The following LMBRD2 variants were observed in gnomAD, a reference collection of about 807,000 sequenced individuals.
LMBRD2 encodes the protein G protein-coupled receptor-associated protein LMBRD2.
In LMBRD2, 55 loss-of-function variants were observed where a neutral mutation model predicts 94.4. The ratio of observed to expected loss-of-function variants is 0.58; its 90% confidence interval spans 0.47 to 0.73. The LOEUF (loss-of-function observed/expected upper bound fraction) is 0.73. Among genes scored for constraint, LMBRD2 ranks in the 30% least tolerant of loss-of-function variants. LMBRD2 has a pLI of 0.00. For synonymous variants in LMBRD2, 246 were observed against 272.4 expected (o/e 0.90, Z 0.95); for missense variants, 640 against 831.9 (o/e 0.77, Z 2.84).
chr5:36,135,862 A>G (rs973715293), intron 6 of LMBRD2, among the ~76,000 whole-genome samples: 3 of 152,190 alleles, frequency 2.0e-5, no homozygotes, highest in Non-Finnish European at 4.4e-5. Context: ...AAAACTTACC[A>G]ATACAAACTC....
At chr5:36,117,394 G>A (rs1404257874) in intron 10 of LMBRD2, among the ~76,000 whole-genome samples, 1 of 152,004 alleles carries the variant, frequency 6.6e-6, no homozygotes, top group Non-Finnish European at 1.5e-5. Context: ...GAAGGTGAGA[G>A]GATTTCTTGA....
chr5:36,104,470 C>T (rs756567645), intron 17 of LMBRD2, among the ~76,000 whole-genome samples: 6 of 151,982 alleles, frequency 3.9e-5, no homozygotes, highest in Non-Finnish European at 5.9e-5. Context: ...TAAACATTTT[C>T]GTGCACATGA....
At chr5:36,121,474 C>G (rs921647692) in intron 9 of LMBRD2, among the ~76,000 whole-genome samples, 1 of 152,030 alleles carries the variant, frequency 6.6e-6, no homozygotes, top group African/African-American at 2.4e-5. Flanking sequence ...TTTCTTCACA[C>G]TAAATTTGAC....
In LMBRD2 at chr5:36,104,114, G is replaced by T. The variant is rs150933633; in HGVS notation, c.2028-8C>A. ...CGTCCACCAGGCTGATACCTAAAAA[G>T]GGAACATAAAGAAATGATCTGAGGC... On this transcript the variant is annotated splice_region_variant and splice_polypyrimidine_tract_variant and intron_variant, in intron 17 of 17. Transcript: ENST00000296603. The T allele has an allele frequency of 3.1e-6, 5 of 1,604,722 alleles. No homozygotes were observed. The Admixed American group carries it at 6.7e-5, about 21-fold the overall frequency.
chr5:36,142,057 T>A (rs1226877184), intron 3 of LMBRD2, among the ~76,000 whole-genome samples: 1 of 152,242 alleles, frequency 6.6e-6, no homozygotes, highest in Non-Finnish European at 1.5e-5. Flanking sequence ...ATTAATTTTT[T>A]ATGTAAATCT....
In LMBRD2 at chr5:36,101,893, A is replaced by G. The variant is rs1365406346; in HGVS notation, c.*2153T>C. 1 of 151,900 alleles carries G rather than the reference A, an allele frequency of 6.6e-6. No individual in the cohort carries two copies. Among genetic ancestry groups the G allele is most frequent in the Non-Finnish European group, 1.5e-5 (1 of 67,842 alleles). 9.4% of individuals were successfully genotyped at this position (151,900 alleles called of 1,614,324 possible). ...AACATTACCTTACACGTTCCTACCA[A>G]TTTATCTTAGGGCATTATAAAAGTT... is the stretch of plus-strand genomic sequence containing the variant. On this transcript the variant is annotated 3_prime_UTR_variant, in exon 18 of 18. Transcript: ENST00000296603.
At chr5:36,107,977 C>A (rs920005400) in intron 16 of LMBRD2, among the ~76,000 whole-genome samples, 2 of 152,274 alleles carry the variant, frequency 1.3e-5, no homozygotes, top group African/African-American at 4.8e-5. Context: ...TTTCTTGGCA[C>A]CTCCTAAATA....
intron 6 of LMBRD2, among the ~76,000 whole-genome samples, chr5:36,134,410 T>C (rs756277602): frequency 2.0e-5 from 3 of 152,166 alleles, no homozygotes; most frequent in Non-Finnish European, 2.9e-5. Flanking sequence ...GGTTGAATTG[T>C]GTCCCCTGAA....
chr5:36,108,730 CAG>C (rs1743533617), intron 15 of LMBRD2, 91 bp from the exon 16 acceptor site: 4 of 495,910 alleles, frequency 8.1e-6, no homozygotes, highest in African/African-American at 7.9e-5. Context: ...TTATTTTCAT[CAG>C]AGATTCATTA....
At chr5:36,112,657 T>C (rs1309295740) in intron 13 of LMBRD2, among the ~76,000 whole-genome samples, 2 of 152,188 alleles carry the variant, frequency 1.3e-5, no homozygotes, top group Non-Finnish European at 2.9e-5. Flanking sequence ...AAAGACACTT[T>C]TAATGATTAT....
intron 6 of LMBRD2, among the ~76,000 whole-genome samples, chr5:36,135,999 T>C (rs1744261036): frequency 6.6e-6 from 1 of 152,234 alleles, no homozygotes; most frequent in African/African-American, 2.4e-5. Context: ...ATACAATTTA[T>C]CATTTAATCT....
chr5:36,116,068 G>A (rs1743736824), intron 11 of LMBRD2, among the ~76,000 whole-genome samples: 1 of 152,108 alleles, frequency 6.6e-6, no homozygotes, highest in African/African-American at 2.4e-5. Flanking sequence ...AATCCTCTCT[G>A]AATTCCTCAG....
chr5:36,114,961 A>G, intron 12 of LMBRD2, 54 bp downstream of exon 12: 2 of 1,126,382 alleles, frequency 1.8e-6, no homozygotes, highest in Non-Finnish European at 1.3e-6. Flanking sequence ...TCACAATAAC[A>G]GCACCTCATA....
intron 16 of LMBRD2, among the ~76,000 whole-genome samples, chr5:36,106,660 C>A (rs1257285832): frequency 6.6e-6 from 1 of 151,922 alleles, no homozygotes; most frequent in East Asian, 1.9e-4. Context: ...CAGGTGCATA[C>A]CACCATGCCC....
chr5:36,120,750 C>G (rs1743870948), intron 9 of LMBRD2, among the ~76,000 whole-genome samples: 1 of 152,104 alleles, frequency 6.6e-6, no homozygotes, highest in African/African-American at 2.4e-5. Context: ...TTTATCCTCT[C>G]CCCTCACTTC....
chr5:36,106,900 A>G (rs1743486091), intron 16 of LMBRD2, among the ~76,000 whole-genome samples: 1 of 151,864 alleles, frequency 6.6e-6, no homozygotes, highest in South Asian at 2.1e-4. Flanking sequence ...AAAAACATGC[A>G]TTTTCCCAAA....
intron 12 of LMBRD2, 40 bp from the exon 13 acceptor site, chr5:36,114,561 C>G: frequency 6.7e-7 from 1 of 1,487,300 alleles, no homozygotes; most frequent in South Asian, 1.5e-5. Context: ...TGGAATAGCT[C>G]TATAATTTCC....
intron 11 of LMBRD2, among the ~76,000 whole-genome samples, chr5:36,115,594 G>A (rs1743721507): frequency 6.6e-6 from 1 of 151,968 alleles, no homozygotes; most frequent in South Asian, 2.1e-4. Flanking sequence ...CCACACACTT[G>A]GATAATTGGG....
intron 9 of LMBRD2, among the ~76,000 whole-genome samples, chr5:36,120,147 C>T (rs1281252230): frequency 6.6e-6 from 1 of 151,830 alleles, no homozygotes; most frequent in East Asian, 1.9e-4. Context: ...CAACCTCTGC[C>T]TCCCGGGTTC....
Sources: gnomAD v4.1 joint callset for allele counts (sites outside exome capture counted in the v4.1 genomes callset) on GRCh38, gnomAD v4.1.1 for gene constraint, MANE v1.5 for transcripts, NCBI Gene and HGNC (gene_info 2026-07-23, HGNC 2026-07-21) for gene names.